Variants in LIPC observed in about 807,000 individuals in gnomAD.
LIPC encodes the protein lipase C, hepatic type, also known as hepatic triacylglycerol lipase.
A neutral mutation model predicts 50.7 loss-of-function variants in LIPC; 44 were observed. The ratio of observed to expected loss-of-function variants is 0.87; its 90% CI spans 0.68 to 1.11. The LOEUF is 1.11. Ranked by LOEUF, LIPC falls within the 50% of genes most tolerant of loss-of-function variation. The pLI, the probability that LIPC is intolerant of heterozygous loss-of-function variation, is 0.00. For missense variants in LIPC, 697 were observed against 648.2 expected, an observed-to-expected ratio of 1.08 and a Z score of -0.82; for synonymous variants, 271 against 256.4, an observed-to-expected ratio of 1.06 and a Z score of -0.54.
chr15:58,456,004 T>C (rs1483993108), intron 1 of LIPC, among the ~76,000 whole-genome samples: 1 of 152,024 alleles, frequency 6.6e-6, no homozygotes, highest in African/African-American at 2.4e-5. Flanking sequence ...CAGGGATGGA[T>C]AGACAATCTG....
chr15:58,497,038 G>A (rs1220768748), intron 1 of LIPC, among the ~76,000 whole-genome samples: 1 of 152,162 alleles, frequency 6.6e-6, no homozygotes, highest in African/African-American at 2.4e-5. Context: ...AGGTACAAAT[G>A]CACTGCCTTT....
At chr15:58,556,487 T>G (rs1893958202) in intron 6 of LIPC, among the ~76,000 whole-genome samples, 1 of 152,230 alleles carries the variant, frequency 6.6e-6, no homozygotes, top group South Asian at 2.1e-4. Context: ...ATGTGAAACT[T>G]GCAGAAGAAC....
At chr15:58,556,445 A>G (rs1208870601) in intron 6 of LIPC, among the ~76,000 whole-genome samples, 1 of 152,134 alleles carries the variant, frequency 6.6e-6, no homozygotes, top group African/African-American at 2.4e-5. Context: ...TTCCAATAGG[A>G]TTCCAATTAG....
At chr15:58,535,393 C>T (rs1595928293) in intron 1 of LIPC, among the ~76,000 whole-genome samples, 1 of 152,192 alleles carries the variant, frequency 6.6e-6, no homozygotes, top group Non-Finnish European at 1.5e-5. Context: ...CTTCCTCGCT[C>T]ATACACATGT....
intron 1 of LIPC, among the ~76,000 whole-genome samples, chr15:58,449,556 C>CTTTT (rs766486784): frequency 1.4e-5 from 2 of 142,746 alleles, no homozygotes; most frequent in Non-Finnish European, 3.1e-5. Context: ...TGCATTTGTT[C>CTTTT]TTTTTTTTTT....
At chr15:58,436,480 A>C (rs773106217) in intron 1 of LIPC, 45 of 257,774 alleles carry the variant, frequency 1.7e-4, no homozygotes, top group Admixed American at 2.0e-4. Context: ...TTAAAGTTAA[A>C]ATGTATTTGT....
intron 1 of LIPC, among the ~76,000 whole-genome samples, chr15:58,468,427 C>G (rs1894654962): frequency 6.6e-6 from 1 of 151,912 alleles, no homozygotes. Flanking sequence ...GAATGAGGGC[C>G]CACAATCTGG....
rs745802629 is a variant in LIPC at position 58,542,499 on chromosome 15, T to C, written c.457-35T>C. 6 of 1,389,768 alleles carry C rather than the reference T, an allele frequency of 4.3e-6. No individual in the cohort carries two copies. The Admixed American group carries it at 1.0e-4, about 23-fold the overall frequency. The allele number at this position is 1,389,768 out of a possible 1,614,324, so 86.1% of individuals were successfully genotyped here. A position where few individuals can be genotyped will look rare whatever the true frequency, so the allele number is the denominator to read the frequency against. ...CGCAAAAGGCTTTCATCCAGGCAGCTCTTCTCCTGCCCCCATCCCGCTGCT... is the reference window on the plus strand; with the variant it reads ...CGCAAAAGGCTTTCATCCAGGCAGCCCTTCTCCTGCCCCCATCCCGCTGCT... On this transcript the variant is annotated intron_variant, in intron 3 of 8. Coordinates refer to ENST00000299022, the MANE Select transcript of LIPC (RefSeq NM_000236.3).
At chr15:58,544,337 A>C (rs746379423) in intron 4 of LIPC, among the ~76,000 whole-genome samples, 66 of 151,824 alleles carry the variant, frequency 4.3e-4, no homozygotes, top group Non-Finnish European at 8.7e-4. Context: ...CCGTCTTGTC[A>C]TCAGCCTGAT....
At chr15:58,502,741 T>C (rs1892028652) in intron 1 of LIPC, among the ~76,000 whole-genome samples, 2 of 152,074 alleles carry the variant, frequency 1.3e-5, no homozygotes, top group African/African-American at 4.8e-5. Context: ...CTTCCAATGC[T>C]GAAGAGAATG....
intron 6 of LIPC, among the ~76,000 whole-genome samples, chr15:58,559,558 C>T (rs997656828): frequency 4.6e-5 from 7 of 151,966 alleles, no homozygotes; most frequent in Admixed American, 2.0e-4. Flanking sequence ...ATTAACATGC[C>T]GTATTAAACC....
chr15:58,484,695 C>G, intron 1 of LIPC, among the ~76,000 whole-genome samples: 1 of 93,170 alleles, frequency 1.1e-5, no homozygotes, highest in East Asian at 3.7e-4. Context: ...CACACTCTGA[C>G]TCCAGGGCCC....
intron 1 of LIPC, among the ~76,000 whole-genome samples, chr15:58,503,296 T>C (rs1260308113): frequency 6.6e-6 from 1 of 152,202 alleles, no homozygotes; most frequent in African/African-American, 2.4e-5. Context: ...TTAAACCCTG[T>C]TCAGGATCTG....
At chr15:58,563,225 A>G (rs1335422979) in intron 7 of LIPC, among the ~76,000 whole-genome samples, 1 of 152,214 alleles carries the variant, frequency 6.6e-6, no homozygotes. Context: ...GCTAAGCTAG[A>G]GAAAGTTAAC....
At chr15:58,520,365 G>A (rs946008658) in intron 1 of LIPC, among the ~76,000 whole-genome samples, 2 of 152,006 alleles carry the variant, frequency 1.3e-5, no homozygotes, top group Admixed American at 6.6e-5. Flanking sequence ...CTTGGCCTTG[G>A]GATGCTAGAG....
At position 58,569,015 on chromosome 15, in the gene LIPC, A is replaced by C; in HGVS notation, c.*188A>C. The C allele has an allele frequency of 2.2e-6, 1 of 464,292 alleles. No individual in the cohort carries two copies. Among genetic ancestry groups the C allele is most frequent in the African/African-American group, 2.0e-5 (1 of 51,188 alleles). 28.8% of individuals were successfully genotyped at this position (464,292 alleles called of 1,614,324 possible). A position where few individuals can be genotyped will look rare whatever the true frequency, so the allele number is the denominator to read the frequency against. The stretch of plus-strand genomic sequence containing the variant: ...AAACGATATGATATAACTATTTTCC[A>C]GTATCAGTACAACCAAAAATGTCCC... On this transcript the variant is annotated 3_prime_UTR_variant, in exon 9 of 9. Transcript: ENST00000299022.
intron 1 of LIPC, among the ~76,000 whole-genome samples, chr15:58,520,411 A>T (rs554309472): frequency 6.6e-6 from 1 of 152,076 alleles, no homozygotes; most frequent in South Asian, 2.1e-4. Context: ...CCTATTTAGA[A>T]ACTCATTTCC....
intron 1 of LIPC, among the ~76,000 whole-genome samples, chr15:58,480,096 T>C (rs2140770684): frequency 6.6e-6 from 1 of 152,334 alleles, no homozygotes; most frequent in East Asian, 1.9e-4. Context: ...GCTTAAAAAT[T>C]AACAGTCTGT....
intron 1 of LIPC, among the ~76,000 whole-genome samples, chr15:58,501,091 C>G (rs201723787): frequency 6.6e-5 from 10 of 152,054 alleles, no homozygotes; most frequent in Non-Finnish European, 1.3e-4. Context: ...CTTTCACTCC[C>G]TCATTTGATC....
Sources: gnomAD v4.1 joint callset for allele counts (sites outside exome capture counted in the v4.1 genomes callset) on GRCh38, gnomAD v4.1.1 for gene constraint, MANE v1.5 for transcripts, NCBI Gene and HGNC (gene_info 2026-07-23, HGNC 2026-07-21) for gene names.